Variants in RBM33 observed in about 807,000 individuals in gnomAD.
The protein encoded by RBM33 is RNA-binding protein 33.
Under a neutral mutation model 132.6 loss-of-function variants are expected in RBM33, and 28 were observed. That is an observed-to-expected ratio of 0.21 (90% CI 0.16 to 0.29). RBM33 has a LOEUF of 0.29. RBM33 is among the 10% of genes least tolerant of loss of function. The probability of loss-of-function intolerance (pLI) is 1.00; values close to 1 mark genes in which losing one functional copy is unlikely to be tolerated. For synonymous variants in RBM33, 634 were observed against 593.0 expected (o/e 1.07, Z -1.01); for missense variants, 1,291 against 1,518.5 (o/e 0.85, Z 2.49).
rs1206307136 is a variant in RBM33 at position 155,778,220 on chromosome 7, G to A, written c.*3179G>A. 6.6e-6 allele frequency: 1 copy of A among 152,458 alleles called. No homozygotes were observed. Among genetic ancestry groups the A allele is most frequent in the African/African-American group, 2.4e-5 (1 of 41,394 alleles). 9.4% of individuals were successfully genotyped at this position (152,458 alleles called of 1,614,324 possible). A position where few individuals can be genotyped will look rare whatever the true frequency, so the allele number is the denominator to read the frequency against. On this transcript the variant is annotated 3_prime_UTR_variant, in exon 18 of 18. Coordinates refer to ENST00000401878, the MANE Select transcript of RBM33 (RefSeq NM_053043.3). This position sits in a 1 kb window ranked among gnomAD's most constrained non-coding sequence, Gnocchi z 4.0. ...CTTCACCATAACTATTTTTAATATG[G>A]GTCATTCTTAGCATGATTTGTAAAG... is the stretch of plus-strand genomic sequence containing the variant.
At chr7:155,757,068 G>C (rs1801875418) in intron 14 of RBM33, among the ~76,000 whole-genome samples, 1 of 152,086 alleles carries the variant, frequency 6.6e-6, no homozygotes, top group African/African-American at 2.4e-5. Flanking sequence ...TCTGTCCATT[G>C]GGAAAGGTGA....
At chr7:155,763,783 A>AC (rs1802115391) in intron 14 of RBM33, 29 bp from the exon 15 acceptor site, 1 of 1,589,116 alleles carries the variant, frequency 6.3e-7, no homozygotes, top group Non-Finnish European at 8.6e-7. Context: ...CAGACACTGA[A>AC]CAACGTGCTG....
At chr7:155,770,607 T>C (rs549555983) in intron 16 of RBM33, among the ~76,000 whole-genome samples, 3 of 151,900 alleles carry the variant, frequency 2.0e-5, no homozygotes, top group Non-Finnish European at 4.4e-5. Flanking sequence ...TTTTTTTTTT[T>C]TTTTTTCCTT....
chr7:155,673,467 T>C (rs1054630334), intron 3 of RBM33, among the ~76,000 whole-genome samples: 15 of 149,110 alleles, frequency 1.0e-4, no homozygotes, highest in South Asian at 2.2e-4. Context: ...CACATATATA[T>C]ATACATACAC....
rs3801904 is a variant in RBM33 at position 155,776,473 on chromosome 7, C to T, written c.*1432C>T. 0.18 allele frequency: 26,822 copies of T among 152,226 alleles called. 2,413 individuals are homozygous for T. Among genetic ancestry groups the T allele is most frequent in the East Asian group, 0.28 (1,439 of 5,172 alleles). 9.4% of individuals were successfully genotyped at this position (152,226 alleles called of 1,614,324 possible). ...ACAGACTTGCGTCATCTCGTTTCCA[C>T]AGTTGACGTTTTATATTACTTTCTC... On this transcript the variant is annotated 3_prime_UTR_variant, in exon 18 of 18. Transcript: ENST00000401878. This position sits in a 1 kb window ranked among gnomAD's most constrained non-coding sequence, Gnocchi z 4.0.
intron 9 of RBM33, among the ~76,000 whole-genome samples, chr7:155,725,203 GTTTTTTTTTTTTT>G (rs59050644): frequency 9.5e-6 from 1 of 105,178 alleles, no homozygotes; most frequent in Non-Finnish European, 2.0e-5. Context: ...TTTTTTAGTT[GTTTTTTTTTTTTT>G]TTTTTTTTGA....
intron 4 of RBM33, among the ~76,000 whole-genome samples, chr7:155,680,014 TATAA>T (rs1799294362): frequency 6.6e-6 from 1 of 152,242 alleles, no homozygotes; most frequent in Admixed American, 6.5e-5. Context: ...TTGTGACTAA[TATAA>T]ATTTATTTAT....
chr7:155,762,632 A>G (rs948198602), intron 14 of RBM33, among the ~76,000 whole-genome samples: 1 of 152,008 alleles, frequency 6.6e-6, no homozygotes, highest in Non-Finnish European at 1.5e-5. Context: ...CCCCAATCCC[A>G]TGTTCCTTCT....
intron 1 of RBM33, among the ~76,000 whole-genome samples, chr7:155,656,825 C>G (rs1313904851): frequency 6.6e-6 from 1 of 152,082 alleles, no homozygotes; most frequent in Non-Finnish European, 1.5e-5. Context: ...ACCAGCTGAC[C>G]CTTACCTCAT....
chr7:155,687,104 A>T (rs1353759566), intron 5 of RBM33, among the ~76,000 whole-genome samples: 1 of 152,210 alleles, frequency 6.6e-6, no homozygotes, highest in Non-Finnish European at 1.5e-5. Flanking sequence ...CAACAGTGTA[A>T]AAGTATTCCT....
intron 5 of RBM33, chr7:155,685,069 TA>T (rs1203670397): frequency 7.8e-6 from 12 of 1,542,948 alleles, no homozygotes; most frequent in South Asian, 1.2e-5. Flanking sequence ...GTTCATCTTT[TA>T]AAAAGAGTAA....
chr7:155,700,067 T>G (rs1799913927), intron 5 of RBM33, among the ~76,000 whole-genome samples: 1 of 152,308 alleles, frequency 6.6e-6, no homozygotes, highest in East Asian at 1.9e-4. Context: ...AGAAATTACT[T>G]TTAATTTGGG....
intron 1 of RBM33, among the ~76,000 whole-genome samples, chr7:155,645,782 A>G (rs1475146521): frequency 6.6e-6 from 1 of 152,242 alleles, no homozygotes; most frequent in Non-Finnish European, 1.5e-5. Flanking sequence ...AGTTCTTACC[A>G]TTGAAACGTT....
At chr7:155,652,776 C>G (rs1798391891) in intron 1 of RBM33, among the ~76,000 whole-genome samples, 1 of 152,180 alleles carries the variant, frequency 6.6e-6, no homozygotes, top group Non-Finnish European at 1.5e-5. Flanking sequence ...CATGGATGTG[C>G]TGTTCTTCCT....
At chr7:155,769,599 C>T (rs189586825) in intron 16 of RBM33, among the ~76,000 whole-genome samples, 1 of 152,212 alleles carries the variant, frequency 6.6e-6, no homozygotes, top group African/African-American at 2.4e-5. Flanking sequence ...CCTGTGAACT[C>T]GGTGGAAGGT....
chr7:155,750,498 A>G (rs184780013), intron 14 of RBM33, among the ~76,000 whole-genome samples: 1 of 152,194 alleles, frequency 6.6e-6, no homozygotes, highest in South Asian at 2.1e-4. Context: ...GGAGAATGGT[A>G]TAGTCTTTGA....
At chr7:155,763,291 T>G (rs1391536044) in intron 14 of RBM33, among the ~76,000 whole-genome samples, 1 of 152,220 alleles carries the variant, frequency 6.6e-6, no homozygotes, top group African/African-American at 2.4e-5. Flanking sequence ...TATTTGAAGT[T>G]CACGTATCCA....
Position 155,665,218 on chromosome 7 carries a change from G to C in RBM33, c.87G>C (p.Ser29=), listed in dbSNP as rs374634280. 1.2e-6 allele frequency: 2 copies of C among 1,613,758 alleles called. No individual in the cohort carries two copies. Among genetic ancestry groups the C allele is most frequent in the African/African-American group, 1.3e-5 (1 of 74,904 alleles). Residue 29 remains serine, a synonymous_variant, in exon 2 of 18, where the codon TCG becomes TCC. Coordinates refer to ENST00000401878, the MANE Select transcript of RBM33 (RefSeq NM_053043.3). ...DQFDKPGAER[S]WRRRAADEDW... is the part of the protein sequence containing the mutation. ...TTGATAAGCCTGGCGCGGAACGGTC[G>C]TGGAGAAGAAGAGCTGCTGATGAGG...
intron 3 of RBM33, among the ~76,000 whole-genome samples, chr7:155,673,940 G>GTTGTTGTTTTTTTTTTTTTTTTTTTTTT: frequency 2.8e-4 from 15 of 54,196 alleles, no homozygotes; most frequent in African/African-American, 8.2e-4. Context: ...TTTAGGCTTA[G>GTTGTTGTTTTTTTTTTTTTTTTTTTTTT]TTTTTTTTTT....
Sources: gnomAD v4.1 joint callset for allele counts (sites outside exome capture counted in the v4.1 genomes callset) on GRCh38, gnomAD v4.1.1 for gene constraint, Gnocchi (gnomAD v3.1) non-coding constraint, MANE v1.5 for transcripts, NCBI Gene and HGNC (gene_info 2026-07-23, HGNC 2026-07-21) for gene names.